Variants in ZNF891 observed in about 807,000 individuals in gnomAD.
ZNF891 encodes zinc finger protein 891.
For missense variants in ZNF891, 589 were observed against 632.7 expected (o/e 0.93, Z 0.74); for synonymous variants, 199 against 209.0 (o/e 0.95, Z 0.41).
At chr12:133,123,380 G>T (rs1199282327) in intron 1 of ZNF891, among the ~76,000 whole-genome samples, 1 of 152,064 alleles carries the variant, frequency 6.6e-6, no homozygotes, top group Admixed American at 6.5e-5. Context: ...TTTGTGCATG[G>T]GGGTATTTTT....
At chr12:133,129,496 C>G (rs1955852816) in intron 1 of ZNF891, among the ~76,000 whole-genome samples, 1 of 121,540 alleles carries the variant, frequency 8.2e-6, no homozygotes, top group African/African-American at 3.5e-5. Context: ...GAGCGAAACT[C>G]TGTCTCAAAA....
chr12:133,106,225 TACTC>T lies in ZNF891; in HGVS notation c.*14055_*14058del, dbSNP rs1566326333. Reference sequence around the variant, plus strand: ...AGGCATTTCGCCGTTTCTCACACCTTACTCGACATCAGAGCATCCATACAACCAA... The same window carrying T: ...AGGCATTTCGCCGTTTCTCACACCTTGACATCAGAGCATCCATACAACCAA... On this transcript the variant is annotated 3_prime_UTR_variant, in exon 2 of 2. Transcript: ENST00000537226. 1.2e-6 allele frequency: 2 copies of T among 1,614,196 alleles called. No homozygotes were observed. The highest frequency in any genetic ancestry group is 3.3e-5 in the Admixed American group (2 of 60,024).
chr12:133,105,487 AC>A lies in ZNF891; in HGVS notation c.*14796del. On this transcript the variant is annotated 3_prime_UTR_variant, in exon 2 of 2. Transcript: ENST00000537226. The stretch of plus-strand genomic sequence containing the variant: ...TTCAATACAGGAAAAAGAAACATTC[AC>A]TTTTTTTTTGGTATCTTTCAGTTTC... The A allele has an allele frequency of 2.8e-6, 4 of 1,442,772 alleles. No homozygotes were observed. The highest frequency in any genetic ancestry group is 3.8e-6 in the Non-Finnish European group (4 of 1,057,124). The allele number at this position is 1,442,772 out of a possible 1,614,324, so 89.4% of individuals were successfully genotyped here.
Position 133,121,303 on chromosome 12 carries a change from A to G in ZNF891, c.616T>C (p.Phe206Leu). ...TTACTGGTGAAAATGCTCTGTGAAA[A>G]AATAAGTTTTGATCCAAGTTTAGAG... The part of the protein sequence containing the change: ...ENSKLGSKLI[F>L]SQSIFTSKHC... The change falls in exon 2 of 2, where the codon TTT becomes CTT. Residue 206 changes from phenylalanine to leucine, a missense_variant. Phe to Leu is a conservative substitution (Grantham distance 22). Transcript: ENST00000537226. 6.5e-7 allele frequency: 1 copy of G among 1,535,574 alleles called. No homozygotes were observed. Among genetic ancestry groups the G allele is most frequent in the East Asian group, 2.4e-5 (1 of 40,898 alleles).
Position 133,120,439 on chromosome 12 carries a change from T to A in ZNF891, c.1480A>T (p.Arg494Trp). The A allele has an allele frequency of 6.2e-7, 1 of 1,604,516 alleles. No individual in the cohort carries two copies. Among genetic ancestry groups the A allele is most frequent in the Non-Finnish European group, 8.5e-7 (1 of 1,176,004 alleles). The part of the protein sequence containing the change: ...GEKPYECKEC[R>W]KAFSVSSSLR... The stretch of plus-strand genomic sequence containing the variant: ...GAAGAGGAAACACTGAAGGCTTTCC[T>A]ACATTCCTTACATTCATAGGGTTTC... The change falls in exon 2 of 2, where the codon AGG becomes TGG. Residue 494 changes from arginine (R) to tryptophan (W), a missense_variant. Transcript: ENST00000537226.
Position 133,120,339 on chromosome 12 carries a change from T to C in ZNF891, c.1580A>G (p.Gln527Arg). 1 of 1,572,484 alleles carries C rather than the reference T, an allele frequency of 6.4e-7. No homozygotes were observed. The highest frequency in any genetic ancestry group is 1.4e-5 in the African/African-American group (1 of 73,828). ...CTTGTGTATAATAAGTGAAGAGCTC[T>C]GACTGAAGGCTTTTCCACATTGAAT... is the stretch of plus-strand genomic sequence containing the variant. ...ECIQCGKAFS[Q>R]SSSLIIHKRI... The change falls in exon 2 of 2, where the codon CAG becomes CGG. Residue 527 changes from glutamine to arginine, a missense_variant. Transcript: ENST00000537226.
At chr12:133,124,099 C>A (rs1403089786) in intron 1 of ZNF891, among the ~76,000 whole-genome samples, 1 of 151,990 alleles carries the variant, frequency 6.6e-6, no homozygotes, top group Non-Finnish European at 1.5e-5. Context: ...TTTCAAAATA[C>A]ATTATAAATC....
rs1955668377 is a variant in ZNF891 at position 133,109,821 on chromosome 12, G to A, written c.*10463C>T. ...CAGGTGTTGGGAAATTATGGTCTAT[G>A]GACCAAATCAAGGCCTTTGAGCTAA... On this transcript the variant is annotated 3_prime_UTR_variant, in exon 2 of 2. Transcript: ENST00000537226. The A allele has an allele frequency of 1.3e-5, 2 of 152,160 alleles. No homozygotes were observed. Among genetic ancestry groups the A allele is most frequent in the African/African-American group, 4.8e-5 (2 of 41,426 alleles). The allele number at this position is 152,160 out of a possible 1,614,324, so 9.4% of individuals were successfully genotyped here. A position where few individuals can be genotyped will look rare whatever the true frequency, so the allele number is the denominator to read the frequency against.
chr12:133,111,516 A>G lies in ZNF891; in HGVS notation c.*8768T>C, dbSNP rs1251724637. 2.0e-5 allele frequency: 3 copies of G among 152,198 alleles called. No individual in the cohort carries two copies. The highest frequency in any genetic ancestry group is 4.8e-5 in the African/African-American group (2 of 41,440). The allele number at this position is 152,198 out of a possible 1,614,324, so 9.4% of individuals were successfully genotyped here. A position where few individuals can be genotyped will look rare whatever the true frequency, so the allele number is the denominator to read the frequency against. Reference sequence around the variant, plus strand: ...CTGTCTCAAAAAAAGGGAGAAATAAATATTACAGAAATAATTTTTTAAAAT... The same window carrying G: ...CTGTCTCAAAAAAAGGGAGAAATAAGTATTACAGAAATAATTTTTTAAAAT... On this transcript the variant is annotated 3_prime_UTR_variant, in exon 2 of 2. Coordinates refer to ENST00000537226, the MANE Select transcript of ZNF891 (RefSeq NM_001277291.2).
At chr12:133,122,137 TA>T in intron 1 of ZNF891, 113 bp from the exon 2 acceptor site, 1 of 1,303,020 alleles carries the variant, frequency 7.7e-7, no homozygotes, top group Non-Finnish European at 9.8e-7. Flanking sequence ...CAGCAAGGTC[TA>T]ACCAGCTTAA....
chr12:133,122,023 C>G lies in ZNF891; in HGVS notation c.-105G>C. 1.4e-6 allele frequency: 2 copies of G among 1,400,216 alleles called. No homozygotes were observed. Among genetic ancestry groups the G allele is most frequent in the Non-Finnish European group, 1.9e-6 (2 of 1,080,684 alleles). The allele number at this position is 1,400,216 out of a possible 1,614,324, so 86.7% of individuals were successfully genotyped here. ...AGGGATGCATTTCACCCGAAGTTCT[C>G]CCTGTAGCCAAAGAAGCAAGTTCAG... On this transcript the variant is annotated splice_region_variant and 5_prime_UTR_variant, in exon 2 of 2. Transcript: ENST00000537226.
rs1432772688 is a variant in ZNF891, at chr12:133,118,496, C to T, written c.*1788G>A. The stretch of plus-strand genomic sequence containing the variant: ...CCAACCTCTTCATCTGGATGTCTCA[C>T]CATCCTCTGAGGCTAACATGAATAA... On this transcript the variant is annotated 3_prime_UTR_variant, in exon 2 of 2. Transcript: ENST00000537226. 1.3e-5 allele frequency: 2 copies of T among 152,204 alleles called. No homozygotes were observed. Among genetic ancestry groups the T allele is most frequent in the Non-Finnish European group, 2.9e-5 (2 of 68,046 alleles). The allele number at this position is 152,204 out of a possible 1,614,324, so 9.4% of individuals were successfully genotyped here.
Position 133,121,983 on chromosome 12 carries a change from C to T in ZNF891, c.-65G>A. The T allele has an allele frequency of 2.1e-6, 3 of 1,432,584 alleles. No homozygotes were observed. The highest frequency in any genetic ancestry group is 2.7e-6 in the Non-Finnish European group (3 of 1,095,034). The allele number at this position is 1,432,584 out of a possible 1,614,324, so 88.7% of individuals were successfully genotyped here. On this transcript the variant is annotated 5_prime_UTR_variant, in exon 2 of 2. Coordinates refer to ENST00000537226, the MANE Select transcript of ZNF891 (RefSeq NM_001277291.2). ...CAGGATGTTTCTGTTCTTGTGTCTC[C>T]AATCCAGTCACAGGAGGGATGCATT...
Position 133,120,993 on chromosome 12 carries a change from T to C in ZNF891, c.926A>G (p.Lys309Arg). 6.5e-7 allele frequency: 1 copy of C among 1,535,736 alleles called. No homozygotes were observed. Among genetic ancestry groups the C allele is most frequent in the Non-Finnish European group, 8.7e-7 (1 of 1,146,862 alleles). ...DETLCHQSSL[K>R]KQGQTHTEKK... ...TTCAGTATGAGTTTGTCCTTGTTTC[T>C]TAAGGGATGATTGATGACACAGCGT... The change falls in exon 2 of 2, where the codon AAG (lysine) becomes AGG (arginine). Residue 309 changes from lysine to arginine, a missense_variant. Coordinates refer to ENST00000537226, the MANE Select transcript of ZNF891 (RefSeq NM_001277291.2).
rs1955695604 is a variant in ZNF891, at chr12:133,113,120, AAAT to A, written c.*7161_*7163del. ...AAAAATATATTTATAAAATATAAAA[AAAT>A]ATATTTTTCAATTTTTTTAATCTGG... On this transcript the variant is annotated 3_prime_UTR_variant, in exon 2 of 2. Coordinates refer to ENST00000537226, the MANE Select transcript of ZNF891 (RefSeq NM_001277291.2). 1.3e-5 allele frequency: 2 copies of A among 148,292 alleles called. No homozygotes were observed. Among genetic ancestry groups the A allele is most frequent in the Admixed American group, 1.3e-4 (2 of 14,906 alleles). The allele number at this position is 148,292 out of a possible 1,614,324, so 9.2% of individuals were successfully genotyped here. A position where few individuals can be genotyped will look rare whatever the true frequency, so the allele number is the denominator to read the frequency against.
rs1247758974 is a variant in ZNF891, at chr12:133,114,516, GGTAA to G, written c.*5764_*5767del. 4 of 152,062 alleles carry G rather than the reference GGTAA, an allele frequency of 2.6e-5. No homozygotes were observed. Among genetic ancestry groups the G allele is most frequent in the African/African-American group, 9.7e-5 (4 of 41,390 alleles). 9.4% of individuals were successfully genotyped at this position (152,062 alleles called of 1,614,324 possible). A position where few individuals can be genotyped will look rare whatever the true frequency, so the allele number is the denominator to read the frequency against. On this transcript the variant is annotated 3_prime_UTR_variant, in exon 2 of 2. Transcript: ENST00000537226. ...TTTTAAGTTAAACTTCCACTAGAAT[GGTAA>G]GTAAAAGAAAAGGCACAAAATTTGC...
chr12:133,106,777 A>C lies in ZNF891; in HGVS notation c.*13507T>G. ...TGATGACTGTGAAGTAATATGGCCCACACTTTATTCACCACCCTGGAGAAA... is the reference window on the plus strand; with the variant it reads ...TGATGACTGTGAAGTAATATGGCCCCCACTTTATTCACCACCCTGGAGAAA... On this transcript the variant is annotated 3_prime_UTR_variant, in exon 2 of 2. Coordinates refer to ENST00000537226, the MANE Select transcript of ZNF891 (RefSeq NM_001277291.2). 1 of 841,408 alleles carries C rather than the reference A, an allele frequency of 1.2e-6. No homozygotes were observed. Among genetic ancestry groups the C allele is most frequent in the Admixed American group, 3.4e-5 (1 of 29,088 alleles). 52.1% of individuals were successfully genotyped at this position (841,408 alleles called of 1,614,324 possible).
In ZNF891 at chr12:133,115,940, T is replaced by A. The variant is rs1421563972; in HGVS notation, c.*4344A>T. The A allele has an allele frequency of 6.6e-6, 1 of 152,138 alleles. No homozygotes were observed. The allele number at this position is 152,138 out of a possible 1,614,324, so 9.4% of individuals were successfully genotyped here. A position where few individuals can be genotyped will look rare whatever the true frequency, so the allele number is the denominator to read the frequency against. ...TGAAAGTCACATCGGCGCACAAGGT[T>A]TCAGGTTTTGGAGCATTCTGAATTT... On this transcript the variant is annotated 3_prime_UTR_variant, in exon 2 of 2. Coordinates refer to ENST00000537226, the MANE Select transcript of ZNF891 (RefSeq NM_001277291.2).
At chr12:133,127,692 G>C (rs894611345) in intron 1 of ZNF891, among the ~76,000 whole-genome samples, 16 of 152,332 alleles carry the variant, frequency 1.1e-4, no homozygotes, top group African/African-American at 3.6e-4. Flanking sequence ...ATTTAACACA[G>C]AGGTGAGATG....
Sources: allele counts gnomAD v4.1 joint callset (sites outside exome capture counted in the v4.1 genomes callset), GRCh38; gene constraint gnomAD v4.1.1; transcripts MANE v1.5; gene names NCBI Gene and HGNC (gene_info 2026-07-23, HGNC 2026-07-21).